The following AKAP7 variants were observed in gnomAD, a reference collection of about 807,000 sequenced individuals.
The protein encoded by AKAP7 is A-kinase anchoring protein 7.
Under a neutral mutation model 39.5 loss-of-function variants are expected in AKAP7, and 39 were observed. That is an observed-to-expected ratio of 0.99 (90% CI 0.76 to 1.29). The LOEUF is 1.29. Among genes scored for constraint, AKAP7 ranks in the 50% most tolerant of loss-of-function variants. The pLI, the probability that AKAP7 is intolerant of heterozygous loss-of-function variation, is 0.00. For missense variants in AKAP7, 414 were observed against 407.7 expected, an observed-to-expected ratio of 1.02 and a Z score of -0.13; for synonymous variants, 140 against 139.1, an observed-to-expected ratio of 1.01 and a Z score of -0.05.
chr6:131,274,448 A>G (rs1485674115), intron 7 of AKAP7, among the ~76,000 whole-genome samples: 2 of 152,068 alleles, frequency 1.3e-5, no homozygotes, highest in Admixed American at 6.6e-5. Flanking sequence ...TCACTTTCCT[A>G]CTGCATCTAC....
rs1812701834 is a variant in AKAP7, at chr6:131,254,635, T to C, written c.851-26895T>C. Among the ~76,000 whole-genome samples, 3 of 152,240 alleles carry C rather than the reference T, an allele frequency of 2.0e-5. 1 individual carries two copies. The South Asian group carries it at 6.2e-4, about 31-fold the overall frequency. Reference sequence around the variant, plus strand: ...ACCTCATGAGTTAGTCTCTTGTCACTGAAAGTATTCAAGGACAGGATGGGG... The same window carrying C: ...ACCTCATGAGTTAGTCTCTTGTCACCGAAAGTATTCAAGGACAGGATGGGG... On this transcript the variant is annotated intron_variant, in intron 7 of 7. Transcript: ENST00000431975.
intron 5 of AKAP7, among the ~76,000 whole-genome samples, chr6:131,196,081 G>T (rs1224723174): frequency 6.6e-6 from 1 of 151,974 alleles, no homozygotes; most frequent in Non-Finnish European, 1.5e-5. Flanking sequence ...ATAACTCTGA[G>T]ATTTGTCCCT....
chr6:131,177,183 T>G (rs1804661645), intron 5 of AKAP7, among the ~76,000 whole-genome samples: 1 of 152,246 alleles, frequency 6.6e-6, no homozygotes, highest in Admixed American at 6.5e-5. Context: ...AATTTCATCC[T>G]GACAAACCTA....
At chr6:131,136,003 G>A (rs1026221341) in intron 1 of AKAP7, among the ~76,000 whole-genome samples, 10 of 152,142 alleles carry the variant, frequency 6.6e-5, no homozygotes, top group Admixed American at 1.3e-4. Context: ...CGCATTGTGG[G>A]TCCGACAGGA....
intron 5 of AKAP7, among the ~76,000 whole-genome samples, chr6:131,186,520 C>T (rs894139255): frequency 2.0e-5 from 3 of 152,012 alleles, no homozygotes; most frequent in Admixed American, 2.0e-4. Flanking sequence ...ACCATTTGAC[C>T]TTCCTGCTGT....
At chr6:131,166,168 C>T (rs985926187) in intron 4 of AKAP7, among the ~76,000 whole-genome samples, 1 of 152,154 alleles carries the variant, frequency 6.6e-6, no homozygotes, top group Admixed American at 6.5e-5. Flanking sequence ...TGATCTGTCC[C>T]AAGCTGATGT....
intron 5 of AKAP7, among the ~76,000 whole-genome samples, chr6:131,171,854 T>C (rs959546416): frequency 6.6e-6 from 1 of 152,160 alleles, no homozygotes; most frequent in Non-Finnish European, 1.5e-5. Context: ...TTTGATGTGA[T>C]CATTATTGGA....
At chr6:131,155,029 T>C (rs1026891163) in intron 2 of AKAP7, among the ~76,000 whole-genome samples, 1 of 152,120 alleles carries the variant, frequency 6.6e-6, no homozygotes, top group Non-Finnish European at 1.5e-5. Flanking sequence ...ATTTTTTTTT[T>C]TTCTTTCTGA....
In AKAP7 at chr6:131,135,507, G is replaced by GGCTGCTGCGGCTGCCGCCGCC. The variant is rs1057292440; in HGVS notation, c.-248_-228dup. 5.4e-5 allele frequency among the ~76,000 whole-genome samples: 8 copies of GGCTGCTGCGGCTGCCGCCGCC among 146,928 alleles called. No individual in the cohort carries two copies. Among genetic ancestry groups the GGCTGCTGCGGCTGCCGCCGCC allele is most frequent in the South Asian group, 2.2e-4 (1 of 4,638 alleles). On this transcript the variant is annotated 5_prime_UTR_variant, in exon 1 of 8. Transcript: ENST00000431975. ...GTCCGGCCTGGCATGCGGGTGCTGC[G>GGCTGCTGCGGCTGCCGCCGCC]GCTGCTGCGGCTGCCGCCGCCGCTG...
At chr6:131,228,045 T>A (rs1294739907) in intron 7 of AKAP7, among the ~76,000 whole-genome samples, 12 of 152,306 alleles carry the variant, frequency 7.9e-5, no homozygotes. Flanking sequence ...TCTCTGACTC[T>A]GACGTCCTTA....
At chr6:131,217,060 G>C (rs1403203230) in intron 6 of AKAP7, among the ~76,000 whole-genome samples, 1 of 151,578 alleles carries the variant, frequency 6.6e-6, no homozygotes, top group African/African-American at 2.4e-5. Context: ...TAGTGCCTTG[G>C]GTCTGGCCTA....
In AKAP7 at chr6:131,169,119, T is replaced by C. The variant is rs1002823164; in HGVS notation, c.435T>C (p.Ile145=). The C allele has an allele frequency of 6.2e-7, 1 of 1,608,906 alleles. No homozygotes were observed. The highest frequency in any genetic ancestry group is 1.3e-5 in the African/African-American group (1 of 74,766). The change falls in exon 5 of 8, where the codon ATT becomes ATC. Residue 145 remains isoleucine, a synonymous_variant. Transcript: ENST00000431975. The part of the protein sequence containing the change: ...LLNEDEVNIG[I]DALLELKPFI... ...ATGTATTATTTCTTACTAGTGGTAT[T>C]GATGCTCTTTTGGAATTGAAACCAT...
intron 7 of AKAP7, among the ~76,000 whole-genome samples, chr6:131,262,761 A>C (rs1399860195): frequency 6.6e-6 from 1 of 152,238 alleles, no homozygotes; most frequent in African/African-American, 2.4e-5. Context: ...TTCTTTAAAA[A>C]TAATTTCTTC....
intron 3 of AKAP7, among the ~76,000 whole-genome samples, chr6:131,162,998 C>T (rs1419492846): frequency 1.4e-5 from 2 of 140,918 alleles, no homozygotes; most frequent in South Asian, 2.7e-4. Context: ...CACGCTCTTT[C>T]GCTCTCGCTC....
Position 131,282,670 on chromosome 6 carries a change from G to A in AKAP7, c.*944G>A. The A allele has an allele frequency of 7.4e-7, 1 of 1,357,006 alleles. No homozygotes were observed. The highest frequency in any genetic ancestry group is 1.0e-6 in the Non-Finnish European group (1 of 1,003,068). The allele number at this position is 1,357,006 out of a possible 1,614,324, so 84.1% of individuals were successfully genotyped here. A position where few individuals can be genotyped will look rare whatever the true frequency, so the allele number is the denominator to read the frequency against. On this transcript the variant is annotated 3_prime_UTR_variant, in exon 8 of 8. Transcript: ENST00000431975. ...TTTCAGCTTATTAAGTAGCTCTTTG[G>A]TAAACACCAAAGAAGTTTCTGATAG...
chr6:131,234,425 G>A (rs1277245076), intron 7 of AKAP7, among the ~76,000 whole-genome samples: 2 of 152,144 alleles, frequency 1.3e-5, no homozygotes, highest in African/African-American at 4.8e-5. Context: ...TGTCAGGACA[G>A]GCTGCACAGA....
intron 7 of AKAP7, among the ~76,000 whole-genome samples, chr6:131,243,506 G>A (rs1171205342): frequency 6.6e-6 from 1 of 152,068 alleles, no homozygotes; most frequent in South Asian, 2.1e-4. Flanking sequence ...ATTTTATCTG[G>A]TATAAATAAA....
At chr6:131,232,132 A>G (rs79214381) in intron 7 of AKAP7, among the ~76,000 whole-genome samples, 3,624 of 152,284 alleles carry the variant, frequency 0.024, 85 homozygotes, top group African/African-American at 0.062. Context: ...TGTTGGTTTC[A>G]AACCTTATGA....
chr6:131,274,890 C>A (rs1176938545), intron 7 of AKAP7, among the ~76,000 whole-genome samples: 2 of 151,942 alleles, frequency 1.3e-5, no homozygotes, highest in African/African-American at 4.8e-5. Flanking sequence ...TGTCGCCATG[C>A]CTGGAAACTC....
Sources: gnomAD v4.1 joint callset for allele counts (sites outside exome capture counted in the v4.1 genomes callset) on GRCh38, gnomAD v4.1.1 for gene constraint, MANE v1.5 for transcripts, NCBI Gene and HGNC (gene_info 2026-07-23, HGNC 2026-07-21) for gene names.